Variants in FNIP1 observed in about 807,000 individuals in gnomAD.
The protein encoded by FNIP1 is folliculin interacting protein 1.
FNIP1 carries 40 observed loss-of-function variants against 124.5 expected under a neutral mutation model. That is an observed-to-expected ratio of 0.32 (90% CI 0.25 to 0.42). The LOEUF is 0.42. Among genes scored for constraint, FNIP1 ranks in the 10% least tolerant of loss-of-function variants. The pLI, the probability that FNIP1 is intolerant of heterozygous loss-of-function variation, is 1.00. For synonymous variants in FNIP1, 472 were observed against 470.6 expected (o/e 1.00, Z -0.04); for missense variants, 1,176 against 1,403.7 (o/e 0.84, Z 2.59).
intron 3 of FNIP1, among the ~76,000 whole-genome samples, chr5:131,727,177 A>G (rs1450474174): frequency 6.6e-6 from 1 of 152,058 alleles, no homozygotes; most frequent in Admixed American, 6.6e-5. Context: ...CTTGGTCCAG[A>G]GCTGAGTTCA....
intron 15 of FNIP1, among the ~76,000 whole-genome samples, chr5:131,665,899 CTTTTTT>C: frequency 8.1e-6 from 1 of 122,964 alleles, no homozygotes; most frequent in East Asian, 2.2e-4. Flanking sequence ...TAAAATAATA[CTTTTTT>C]TTTTTTTTTT....
intron 13 of FNIP1, among the ~76,000 whole-genome samples, chr5:131,676,132 C>G (rs1767904919): frequency 6.6e-6 from 1 of 152,060 alleles, no homozygotes; most frequent in South Asian, 2.1e-4. Flanking sequence ...CACCATTCTC[C>G]TGCCTCAGCC....
At chr5:131,701,086 G>A (rs941827595) in intron 10 of FNIP1, among the ~76,000 whole-genome samples, 10 of 152,154 alleles carry the variant, frequency 6.6e-5, no homozygotes, top group Non-Finnish European at 1.5e-4. Context: ...CTGCCTGAGC[G>A]CTACCTCCTG....
At chr5:131,651,127 T>A (rs940988889) in intron 16 of FNIP1, among the ~76,000 whole-genome samples, 1 of 151,146 alleles carries the variant, frequency 6.6e-6, no homozygotes, top group African/African-American at 2.4e-5. Context: ...TGGTGGCTCA[T>A]GCCTGTAATC....
At chr5:131,763,762 A>G (rs1402842997) in intron 1 of FNIP1, among the ~76,000 whole-genome samples, 2 of 152,234 alleles carry the variant, frequency 1.3e-5, no homozygotes, top group African/African-American at 2.4e-5. Context: ...GTTACAATAT[A>G]TAATTTTTAA....
At chr5:131,679,701 T>G (rs1427575853) in intron 11 of FNIP1, among the ~76,000 whole-genome samples, 1 of 152,194 alleles carries the variant, frequency 6.6e-6, no homozygotes, top group Non-Finnish European at 1.5e-5. Flanking sequence ...ATGCTACATT[T>G]TATGACTCTC....
intron 2 of FNIP1, among the ~76,000 whole-genome samples, chr5:131,737,176 C>T (rs1179573786): frequency 6.6e-6 from 1 of 152,146 alleles, no homozygotes; most frequent in Non-Finnish European, 1.5e-5. Context: ...AAGTCCTGTG[C>T]TTACATGAGG....
At chr5:131,659,979 G>T (rs1767371705) in intron 15 of FNIP1, among the ~76,000 whole-genome samples, 1 of 152,216 alleles carries the variant, frequency 6.6e-6, no homozygotes, top group African/African-American at 2.4e-5. Flanking sequence ...TCCGACCCAT[G>T]CCCATCATCA....
chr5:131,760,037 T>G (rs1405555722), intron 1 of FNIP1, among the ~76,000 whole-genome samples: 1 of 152,150 alleles, frequency 6.6e-6, no homozygotes, highest in Non-Finnish European at 1.5e-5. Context: ...AGCTAAACAT[T>G]GAGCATACAC....
In FNIP1 at chr5:131,734,986, G is replaced by A. The variant is rs559970321; in HGVS notation, c.220-3948C>T. 3.3e-5 allele frequency among the ~76,000 whole-genome samples: 5 copies of A among 152,248 alleles called. No individual in the cohort carries two copies. The East Asian group carries it at 9.7e-4, about 29-fold the overall frequency. On this transcript the variant is annotated intron_variant, in intron 2 of 17. Transcript: ENST00000510461. ...ATATACCCAAAGGAATATAAATCAT[G>A]CTGCTATAAAGACACATGCACACGT...
chr5:131,791,994 T>C (rs894738826), intron 1 of FNIP1, among the ~76,000 whole-genome samples: 1 of 152,188 alleles, frequency 6.6e-6, no homozygotes, highest in Non-Finnish European at 1.5e-5. Flanking sequence ...AAAACTGATA[T>C]AACAGTAACA....
At chr5:131,693,289 AATATATACATAT>A (rs1768545867) in intron 11 of FNIP1, among the ~76,000 whole-genome samples, 2 of 68,292 alleles carry the variant, frequency 2.9e-5, no homozygotes, top group African/African-American at 1.3e-4. Flanking sequence ...GTAATAGCTA[AATATATACATAT>A]ATATATATAT....
chr5:131,664,699 A>G (rs1468261050), intron 15 of FNIP1, among the ~76,000 whole-genome samples: 1 of 151,352 alleles, frequency 6.6e-6, no homozygotes, highest in Non-Finnish European at 1.5e-5. Context: ...TGACAAAACC[A>G]TGCAATAATC....
intron 8 of FNIP1, among the ~76,000 whole-genome samples, chr5:131,706,916 C>A (rs1043251795): frequency 6.6e-6 from 1 of 152,218 alleles, no homozygotes; most frequent in African/African-American, 2.4e-5. Context: ...AAACTTAATG[C>A]AGCAGCTGGA....
At chr5:131,784,363 C>T (rs550967965) in intron 1 of FNIP1, among the ~76,000 whole-genome samples, 8 of 152,030 alleles carry the variant, frequency 5.3e-5, no homozygotes, top group East Asian at 1.9e-4. Context: ...CAGACATTTA[C>T]GATACAACAA....
intron 1 of FNIP1, among the ~76,000 whole-genome samples, chr5:131,755,693 T>C (rs1210308328): frequency 1.3e-5 from 2 of 152,026 alleles, no homozygotes; most frequent in East Asian, 1.9e-4. Context: ...AGAAAACTCA[T>C]GGTAAAGCAC....
intron 11 of FNIP1, among the ~76,000 whole-genome samples, chr5:131,685,803 T>A (rs201406372): frequency 1.3e-5 from 2 of 149,030 alleles, no homozygotes; most frequent in Non-Finnish European, 1.5e-5. Flanking sequence ...TCACTCCAGT[T>A]AAAAAAAAAA....
intron 15 of FNIP1, among the ~76,000 whole-genome samples, chr5:131,665,387 C>T (rs1054944642): frequency 3.9e-5 from 6 of 151,910 alleles, no homozygotes; most frequent in African/African-American, 7.2e-5. Flanking sequence ...AAGAAAAATG[C>T]TACTTTATTA....
At chr5:131,715,134 C>T (rs1412262528) in intron 6 of FNIP1, among the ~76,000 whole-genome samples, 1 of 152,206 alleles carries the variant, frequency 6.6e-6, no homozygotes, top group Non-Finnish European at 1.5e-5. Flanking sequence ...ACAAGTATAT[C>T]TAACCTCTAT....
Sources: allele counts gnomAD v4.1 joint callset (sites outside exome capture counted in the v4.1 genomes callset), GRCh38; gene constraint gnomAD v4.1.1; transcripts MANE v1.5; gene names NCBI Gene and HGNC (gene_info 2026-07-23, HGNC 2026-07-21).